The following DLG2 variants were observed in gnomAD, a reference collection of about 807,000 sequenced individuals.
The protein encoded by DLG2 is disks large homolog 2.
DLG2 carries 45 observed loss-of-function variants against 132.5 expected under a neutral mutation model. The ratio of observed to expected loss-of-function variants is 0.34; its 90% CI spans 0.27 to 0.44. The LOEUF (loss-of-function observed/expected upper bound fraction) is 0.44. DLG2 is among the 20% of genes least tolerant of loss of function. The pLI is 1.00. For synonymous variants in DLG2, 424 were observed against 419.6 expected, an observed-to-expected ratio of 1.01 and a Z score of -0.13; for missense variants, 1,045 against 1,196.9, an observed-to-expected ratio of 0.87 and a Z score of 1.87.
rs1555190569 is a variant in DLG2, at chr11:85,583,130, G to GTGTGTGTA, written c.40+15526_40+15527insTACACACA. 5.2e-3 allele frequency among the ~76,000 whole-genome samples: 71 copies of GTGTGTGTA among 13,610 alleles called. 1 individual carries two copies. Among genetic ancestry groups the GTGTGTGTA allele is most frequent in the Non-Finnish European group, 8.0e-3 (51 of 6,346 alleles). 8.9% of individuals were successfully genotyped at this position (13,610 alleles called of 152,430 possible). Reference sequence around the variant, plus strand: ...TGTGTGTGTGTGTGTGTGTGTGTGTGTATATATATATATATATATATATAT... The same window carrying GTGTGTGTA: ...TGTGTGTGTGTGTGTGTGTGTGTGTGTGTGTGTATATATATATATATATATATATATAT... On this transcript the variant is annotated intron_variant, in intron 3 of 27. Coordinates refer to ENST00000376104, the MANE Select transcript of DLG2 (RefSeq NM_001142699.3).
intron 20 of DLG2, among the ~76,000 whole-genome samples, chr11:83,539,490 G>GTAAGTGATT (rs1161002674): frequency 2.0e-5 from 3 of 152,064 alleles, no homozygotes; most frequent in Non-Finnish European, 4.4e-5. Flanking sequence ...GGGTAGAATT[G>GTAAGTGATT]TAAGTGATTT....
chr11:84,326,547 A>C (rs533648379), intron 7 of DLG2, among the ~76,000 whole-genome samples: 15 of 152,132 alleles, frequency 9.9e-5, no homozygotes, highest in Non-Finnish European at 2.2e-4. Flanking sequence ...CTCTTCAGCC[A>C]TTAATTTCTA....
At chr11:85,463,852 C>T (rs1565528095) in intron 3 of DLG2, among the ~76,000 whole-genome samples, 1 of 151,674 alleles carries the variant, frequency 6.6e-6, no homozygotes, top group Non-Finnish European at 1.5e-5. Flanking sequence ...CTGAATGTGA[C>T]AAAGGAGAGC....
chr11:84,122,494 T>C (rs1434583077), intron 9 of DLG2, among the ~76,000 whole-genome samples: 3 of 152,058 alleles, frequency 2.0e-5, no homozygotes, highest in African/African-American at 4.8e-5. Flanking sequence ...AAATTTTGCA[T>C]GAGGTCAAGC....
chr11:85,020,304 T>A (rs2059933606), intron 6 of DLG2, among the ~76,000 whole-genome samples: 1 of 152,202 alleles, frequency 6.6e-6, no homozygotes, highest in Non-Finnish European at 1.5e-5. Flanking sequence ...GCCCACTTTT[T>A]GATGGGGTTG....
chr11:85,071,957 C>G (rs2065918532), intron 6 of DLG2, among the ~76,000 whole-genome samples: 1 of 151,806 alleles, frequency 6.6e-6, no homozygotes, highest in African/African-American at 2.4e-5. Flanking sequence ...AAATTAACTT[C>G]TTCATACAAT....
chr11:85,024,932 GA>G (rs2060388639), intron 6 of DLG2, among the ~76,000 whole-genome samples: 1 of 152,084 alleles, frequency 6.6e-6, no homozygotes, highest in African/African-American at 2.4e-5. Flanking sequence ...GATAAATAAG[GA>G]AAGTTAGAAA....
chr11:83,937,238 T>C (rs1300287469), intron 14 of DLG2, among the ~76,000 whole-genome samples: 4 of 152,118 alleles, frequency 2.6e-5, no homozygotes, highest in Non-Finnish European at 5.9e-5. Context: ...CCGGGCGCGG[T>C]GGCTCATGCC....
At chr11:84,046,854 A>G (rs571259262) in intron 11 of DLG2, among the ~76,000 whole-genome samples, 1 of 151,766 alleles carries the variant, frequency 6.6e-6, no homozygotes, top group Admixed American at 6.6e-5. Flanking sequence ...TATGCGATAA[A>G]GTACCCAAAG....
At chr11:83,640,491 C>T (rs2066194156) in intron 18 of DLG2, among the ~76,000 whole-genome samples, 1 of 152,164 alleles carries the variant, frequency 6.6e-6, no homozygotes, top group Non-Finnish European at 1.5e-5. Flanking sequence ...GGATGAGATG[C>T]TGTGAGCAAT....
intron 3 of DLG2, among the ~76,000 whole-genome samples, chr11:85,505,150 A>G (rs1341291942): frequency 6.6e-6 from 1 of 152,204 alleles, no homozygotes; most frequent in African/African-American, 2.4e-5. Flanking sequence ...TAAATATACA[A>G]TCATGTCATC....
intron 3 of DLG2, among the ~76,000 whole-genome samples, chr11:85,372,364 C>G (rs1366383549): frequency 6.6e-6 from 1 of 152,152 alleles, no homozygotes; most frequent in Non-Finnish European, 1.5e-5. Flanking sequence ...TTTCCTCTCC[C>G]TTGGAGGAGA....
At chr11:84,289,324 T>A (rs1171956059) in intron 7 of DLG2, among the ~76,000 whole-genome samples, 1 of 152,106 alleles carries the variant, frequency 6.6e-6, no homozygotes, top group East Asian at 1.9e-4. Flanking sequence ...CAAGCTTTTA[T>A]GAGGAAATTA....
intron 6 of DLG2, among the ~76,000 whole-genome samples, chr11:84,906,411 CACAG>C (rs1414086145): frequency 9.9e-4 from 136 of 137,444 alleles, no homozygotes; most frequent in African/African-American, 3.4e-3. Context: ...CACACACACA[CACAG>C]AGAGCCAAGG....
At chr11:83,773,749 T>G (rs1256429826) in intron 18 of DLG2, among the ~76,000 whole-genome samples, 1 of 152,244 alleles carries the variant, frequency 6.6e-6, no homozygotes, top group African/African-American at 2.4e-5. Context: ...TTTGGCCCAT[T>G]TGTTCATTCC....
At position 84,963,845 on chromosome 11, in the gene DLG2, T is replaced by C. The variant is rs149319906; in HGVS notation, c.357+147816A>G. 7.6e-3 allele frequency among the ~76,000 whole-genome samples: 1,150 copies of C among 152,212 alleles called. 9 individuals carry two copies. Among genetic ancestry groups the C allele is most frequent in the Non-Finnish European group, 0.013 (853 of 67,984 alleles). On this transcript the variant is annotated intron_variant, in intron 6 of 27. Coordinates refer to ENST00000376104, the MANE Select transcript of DLG2 (RefSeq NM_001142699.3). ...AGAATATCTGAACTGAAAGAAAACTTAAAACTCACCTGGCACAAGTCCTTG... is the reference window on the plus strand; with the variant it reads ...AGAATATCTGAACTGAAAGAAAACTCAAAACTCACCTGGCACAAGTCCTTG...
chr11:84,936,300 A>G (rs986752982), intron 6 of DLG2, among the ~76,000 whole-genome samples: 1 of 152,218 alleles, frequency 6.6e-6, no homozygotes, highest in Non-Finnish European at 1.5e-5. Flanking sequence ...TGATAATTCT[A>G]AAGTATTTTG....
intron 6 of DLG2, among the ~76,000 whole-genome samples, chr11:85,080,109 A>G (rs544812260): frequency 6.6e-6 from 1 of 152,208 alleles, no homozygotes; most frequent in Non-Finnish European, 1.5e-5. Flanking sequence ...GTATCCCTCA[A>G]AATTGGCCCT....
intron 3 of DLG2, among the ~76,000 whole-genome samples, chr11:85,439,420 C>T (rs979839859): frequency 2.2e-4 from 33 of 148,976 alleles, no homozygotes; most frequent in African/African-American, 7.7e-4. Flanking sequence ...AGTGCAGTGG[C>T]TTGATCTCTG....
Sources: allele counts gnomAD v4.1 joint callset (sites outside exome capture counted in the v4.1 genomes callset), GRCh38; gene constraint gnomAD v4.1.1; transcripts MANE v1.5; gene names NCBI Gene and HGNC (gene_info 2026-07-23, HGNC 2026-07-21).